The following KCNH5 variants were observed in gnomAD, a reference collection of about 807,000 sequenced individuals.
The protein encoded by KCNH5 is potassium voltage-gated channel subfamily H member 5, also known as voltage-gated delayed rectifier potassium channel KCNH5.
In KCNH5, 46 loss-of-function variants were observed where a neutral mutation model predicts 96.1. That is an observed-to-expected ratio of 0.48 (90% CI 0.38 to 0.61). The LOEUF (loss-of-function observed/expected upper bound fraction) is 0.61. KCNH5 is among the 20% of genes least tolerant of loss of function. The pLI is 0.00. For synonymous variants in KCNH5, 439 were observed against 449.8 expected (o/e 0.98, Z 0.30); for missense variants, 907 against 1,225.8 (o/e 0.74, Z 3.88).
At chr14:62,802,645 T>C in intron 8 of KCNH5, 64 bp from the exon 9 acceptor site, 2 of 1,557,546 alleles carry the variant, frequency 1.3e-6, no homozygotes, top group South Asian at 1.2e-5. Context: ...AGAAAAACAA[T>C]CATCCAACAA....
chr14:62,763,298 G>C (rs1434005165), intron 10 of KCNH5, among the ~76,000 whole-genome samples: 1 of 151,884 alleles, frequency 6.6e-6, no homozygotes, highest in African/African-American at 2.4e-5. Context: ...ATAACTTCTG[G>C]GTAAACAATG....
chr14:62,823,169 C>T (rs1234468942), intron 8 of KCNH5, among the ~76,000 whole-genome samples: 1 of 152,066 alleles, frequency 6.6e-6, no homozygotes, highest in Non-Finnish European at 1.5e-5. Context: ...TACAACACTT[C>T]TATCAATTTA....
chr14:62,933,010 C>A (rs1223115901), intron 7 of KCNH5, among the ~76,000 whole-genome samples: 3 of 152,004 alleles, frequency 2.0e-5, no homozygotes, highest in Non-Finnish European at 2.9e-5. Flanking sequence ...ATATAGGAAA[C>A]AATGGGTCCA....
chr14:62,964,844 T>C (rs1890275669), intron 6 of KCNH5, among the ~76,000 whole-genome samples: 2 of 152,126 alleles, frequency 1.3e-5, no homozygotes, highest in Non-Finnish European at 1.5e-5. Context: ...TTAGATGACC[T>C]AATCATATTG....
At chr14:62,777,409 T>C (rs941582699) in intron 10 of KCNH5, among the ~76,000 whole-genome samples, 1 of 152,192 alleles carries the variant, frequency 6.6e-6, no homozygotes, top group Non-Finnish European at 1.5e-5. Context: ...GTCGTTGACA[T>C]TTAATAAGAT....
chr14:62,833,262 T>C (rs1887395321), intron 8 of KCNH5, among the ~76,000 whole-genome samples: 1 of 152,056 alleles, frequency 6.6e-6, no homozygotes, highest in African/African-American at 2.4e-5. Context: ...TTTCTTCTAG[T>C]AGTTTTAGTT....
intron 3 of KCNH5, among the ~76,000 whole-genome samples, chr14:63,002,022 C>G (rs1212534294): frequency 6.6e-6 from 1 of 152,176 alleles, no homozygotes; most frequent in Non-Finnish European, 1.5e-5. Context: ...ACAGCATCCC[C>G]ACATCAGAGA....
At position 62,770,461 on chromosome 14, in the gene KCNH5, C is replaced by T. The variant is rs553398048; in HGVS notation, c.2019+9267G>A. Among the ~76,000 whole-genome samples, 6 of 152,336 alleles carry T rather than the reference C, an allele frequency of 3.9e-5. No homozygotes were observed. The South Asian group carries it at 8.3e-4, about 21-fold the overall frequency. On this transcript the variant is annotated intron_variant, in intron 10 of 10. Coordinates refer to ENST00000322893, the MANE Select transcript of KCNH5 (RefSeq NM_139318.5). ...ACATCAAAATACAGGATTGCTACTACGCTTCTCCATAACATTGCCAGCTGG... is the reference window on the plus strand; with the variant it reads ...ACATCAAAATACAGGATTGCTACTATGCTTCTCCATAACATTGCCAGCTGG...
chr14:62,890,813 G>C (rs959703857), intron 7 of KCNH5, among the ~76,000 whole-genome samples: 1 of 151,812 alleles, frequency 6.6e-6, no homozygotes, highest in Non-Finnish European at 1.5e-5. Context: ...CTGATCATTA[G>C]AGAGATGCAA....
chr14:63,037,398 G>T (rs1891741522), intron 1 of KCNH5, among the ~76,000 whole-genome samples: 1 of 152,082 alleles, frequency 6.6e-6, no homozygotes. Context: ...GCACATAGTA[G>T]GTACTCAATA....
intron 7 of KCNH5, among the ~76,000 whole-genome samples, chr14:62,878,825 C>A (rs565700110): frequency 5.3e-5 from 8 of 152,222 alleles, no homozygotes; most frequent in African/African-American, 1.9e-4. Context: ...AGATGGCTGT[C>A]TTCTCCTTAT....
chr14:63,007,662 TC>T (rs1891151857), intron 2 of KCNH5, among the ~76,000 whole-genome samples: 1 of 152,118 alleles, frequency 6.6e-6, no homozygotes, highest in African/African-American at 2.4e-5. Flanking sequence ...GACCTTATGT[TC>T]CCATACTATC....
At chr14:62,711,421 A>G (rs1300678717) in intron 10 of KCNH5, among the ~76,000 whole-genome samples, 1 of 152,210 alleles carries the variant, frequency 6.6e-6, no homozygotes, top group African/African-American at 2.4e-5. Flanking sequence ...AGTAACTGGG[A>G]AAGAGAAAGA....
chr14:62,793,896 T>C (rs547047394), intron 9 of KCNH5, among the ~76,000 whole-genome samples: 3 of 152,074 alleles, frequency 2.0e-5, no homozygotes, highest in Non-Finnish European at 4.4e-5. Flanking sequence ...TTGTTTTTAA[T>C]TTAAAGAAAT....
rs558948649 is a variant in KCNH5 at position 62,699,608 on chromosome 14, C to T, written c.*7900G>A. The T allele has an allele frequency of 5.9e-5, 9 of 152,304 alleles. No individual in the cohort carries two copies. Among genetic ancestry groups the T allele is most frequent in the African/African-American group, 2.2e-4 (9 of 41,574 alleles). The allele number at this position is 152,304 out of a possible 1,614,324, so 9.4% of individuals were successfully genotyped here. A position where few individuals can be genotyped will look rare whatever the true frequency, so the allele number is the denominator to read the frequency against. ...ATTTCTTTTGGGCTAAAAGCTTCCA[C>T]CTGCCAATTCACTTTTCAAAATGAC... On this transcript the variant is annotated 3_prime_UTR_variant, in exon 11 of 11. Transcript: ENST00000322893.
At chr14:62,816,179 AG>A in intron 8 of KCNH5, among the ~76,000 whole-genome samples, 1 of 152,086 alleles carries the variant, frequency 6.6e-6, no homozygotes, top group African/African-American at 2.4e-5. Context: ...GTGTAAGAAA[AG>A]CTAAACAAGA....
At chr14:62,802,295 G>T in intron 9 of KCNH5, 34 bp downstream of exon 9, 1 of 1,595,432 alleles carries the variant, frequency 6.3e-7, no homozygotes, top group Non-Finnish European at 8.6e-7. Flanking sequence ...CTGTTACTAC[G>T]CATTTGCTAC....
At chr14:63,018,656 T>C (rs1176205946) in intron 1 of KCNH5, among the ~76,000 whole-genome samples, 1 of 151,978 alleles carries the variant, frequency 6.6e-6, no homozygotes. Context: ...ATGTAGAAAT[T>C]AGACCAACAC....
chr14:62,923,521 T>C (rs1210959385), intron 7 of KCNH5, among the ~76,000 whole-genome samples: 6 of 151,790 alleles, frequency 4.0e-5, no homozygotes, highest in Non-Finnish European at 8.8e-5. Context: ...AGCAATCTTG[T>C]GCAAAAAATA....
Sources: allele counts gnomAD v4.1 joint callset (sites outside exome capture counted in the v4.1 genomes callset), GRCh38; gene constraint gnomAD v4.1.1; transcripts MANE v1.5; gene names NCBI Gene and HGNC (gene_info 2026-07-23, HGNC 2026-07-21).